ERBB4: variants seen among roughly 807,000 people sequenced by gnomAD.
ERBB4 encodes receptor tyrosine-protein kinase erbB-4.
In ERBB4, 42 loss-of-function variants were observed where a neutral mutation model predicts 158.0. The observed-to-expected ratio is 0.27, with a 90% CI of 0.21 to 0.34. The LOEUF (loss-of-function observed/expected upper bound fraction) is 0.34. Among genes scored for constraint, ERBB4 ranks in the 10% least tolerant of loss-of-function variants. The pLI is 1.00. For missense variants in ERBB4, 1,333 were observed against 1,624.1 expected (o/e 0.82, Z 3.08); for synonymous variants, 583 against 558.7 (o/e 1.04, Z -0.61).
intron 19 of ERBB4, among the ~76,000 whole-genome samples, chr2:211,586,015 C>A (rs1398149269): frequency 2.6e-5 from 4 of 152,226 alleles, no homozygotes; most frequent in African/African-American, 9.6e-5. Context: ...AAATTTACAT[C>A]AAAATATTTC....
At chr2:211,512,019 C>A (rs1364758614) in intron 20 of ERBB4, among the ~76,000 whole-genome samples, 1 of 152,024 alleles carries the variant, frequency 6.6e-6, no homozygotes, top group Non-Finnish European at 1.5e-5. Flanking sequence ...AGAAGATTCA[C>A]ACAGCATTGG....
chr2:211,740,668 C>T (rs1463656606), intron 5 of ERBB4, among the ~76,000 whole-genome samples: 3 of 136,578 alleles, frequency 2.2e-5, no homozygotes, highest in South Asian at 4.6e-4. Flanking sequence ...CCCTCTGTCG[C>T]GGCGTGATCT....
chr2:212,425,066 T>C (rs1223356485), intron 1 of ERBB4, among the ~76,000 whole-genome samples: 1 of 151,912 alleles, frequency 6.6e-6, no homozygotes, highest in African/African-American at 2.4e-5. Context: ...TGACATTTTA[T>C]AGATGCTAGC....
At chr2:211,991,234 CA>C (rs1417724165) in intron 2 of ERBB4, among the ~76,000 whole-genome samples, 1 of 151,606 alleles carries the variant, frequency 6.6e-6, no homozygotes, top group Non-Finnish European at 1.5e-5. Flanking sequence ...ATATTATAGA[CA>C]AAAAACAAAT....
chr2:211,867,114 A>T (rs2078229960), intron 3 of ERBB4, among the ~76,000 whole-genome samples: 2 of 152,008 alleles, frequency 1.3e-5, no homozygotes. Context: ...GAACTATCAA[A>T]AAGTATGAAA....
chr2:212,342,434 A>T (rs993552441), intron 1 of ERBB4, among the ~76,000 whole-genome samples: 1 of 152,156 alleles, frequency 6.6e-6, no homozygotes, highest in Non-Finnish European at 1.5e-5. Flanking sequence ...GCCTGCCACC[A>T]TGTAAGATGT....
At chr2:211,880,593 A>G (rs2106147510) in intron 3 of ERBB4, among the ~76,000 whole-genome samples, 1 of 152,302 alleles carries the variant, frequency 6.6e-6, no homozygotes, top group African/African-American at 2.4e-5. Context: ...ACCCATACTA[A>G]CATGTTATAA....
chr2:211,785,102 T>A (rs997868224), intron 4 of ERBB4, among the ~76,000 whole-genome samples: 12 of 145,382 alleles, frequency 8.3e-5, no homozygotes, highest in African/African-American at 1.8e-4. Flanking sequence ...CCTTTTTTTT[T>A]TTTTTTTTTT....
At chr2:212,134,180 CA>C (rs2080195858) in intron 1 of ERBB4, among the ~76,000 whole-genome samples, 1 of 148,434 alleles carries the variant, frequency 6.7e-6, no homozygotes, top group Admixed American at 6.6e-5. Context: ...TATGCTTTTG[CA>C]GTTTTGAGAA....
intron 1 of ERBB4, among the ~76,000 whole-genome samples, chr2:212,306,250 A>G (rs892049041): frequency 1.3e-5 from 2 of 151,494 alleles, no homozygotes; most frequent in East Asian, 2.0e-4. Flanking sequence ...TGCACTTGAC[A>G]TTTCTAATTC....
At chr2:212,011,662 A>T (rs2076390494) in intron 2 of ERBB4, among the ~76,000 whole-genome samples, 1 of 151,928 alleles carries the variant, frequency 6.6e-6, no homozygotes, top group Non-Finnish European at 1.5e-5. Context: ...AGGCAGGAGA[A>T]CTGCTCGAAC....
At chr2:212,397,318 T>C (rs1465641035) in intron 1 of ERBB4, among the ~76,000 whole-genome samples, 1 of 151,686 alleles carries the variant, frequency 6.6e-6, no homozygotes, top group Non-Finnish European at 1.5e-5. Context: ...CTACAAAAAA[T>C]ACAAAACAGC....
chr2:211,816,220 G>C (rs928993453), intron 3 of ERBB4, among the ~76,000 whole-genome samples: 4 of 152,074 alleles, frequency 2.6e-5, no homozygotes, highest in African/African-American at 7.2e-5. Context: ...AGTATATTTA[G>C]CTGTTAATAA....
intron 1 of ERBB4, among the ~76,000 whole-genome samples, chr2:212,158,407 T>C (rs2081104483): frequency 1.3e-5 from 2 of 152,088 alleles, no homozygotes; most frequent in South Asian, 4.2e-4. Context: ...TGAACCACGT[T>C]CTTATAAGAC....
chr2:212,341,086 T>A (rs913286910), intron 1 of ERBB4, among the ~76,000 whole-genome samples: 14 of 152,072 alleles, frequency 9.2e-5, no homozygotes, highest in African/African-American at 3.4e-4. Flanking sequence ...CCTTTTATAT[T>A]TTTTTCTCCA....
At chr2:211,388,060 GA>G in intron 25 of ERBB4, 68 bp from the exon 26 acceptor site, 1 of 1,248,338 alleles carries the variant, frequency 8.0e-7, no homozygotes, top group Non-Finnish European at 1.2e-6. Context: ...ATTAAAAAAA[GA>G]AACGAAAAAG....
At chr2:211,474,100 C>T (rs747590107) in intron 20 of ERBB4, among the ~76,000 whole-genome samples, 28 of 151,984 alleles carry the variant, frequency 1.8e-4, no homozygotes, top group Non-Finnish European at 2.8e-4. Flanking sequence ...CTTTCTCTCA[C>T]TTATGAAGTA....
intron 1 of ERBB4, among the ~76,000 whole-genome samples, chr2:212,174,138 T>C (rs972736374): frequency 3.9e-5 from 6 of 152,098 alleles, no homozygotes; most frequent in African/African-American, 1.4e-4. Context: ...AGAACAGTCA[T>C]GAAAAATTTT....
intron 1 of ERBB4, among the ~76,000 whole-genome samples, chr2:212,192,770 TTTG>T (rs1251777350): frequency 2.3e-5 from 3 of 129,444 alleles, no homozygotes; most frequent in African/African-American, 9.1e-5. Flanking sequence ...ATCTGAAAAG[TTTG>T]CCCAGTTACA....
Sources: allele counts gnomAD v4.1 joint callset (sites outside exome capture counted in the v4.1 genomes callset), GRCh38; gene constraint gnomAD v4.1.1; transcripts MANE v1.5; gene names NCBI Gene and HGNC (gene_info 2026-07-23, HGNC 2026-07-21).